SHANK2: variants seen among roughly 807,000 people sequenced by gnomAD.
SHANK2 encodes SH3 and multiple ankyrin repeat domains protein 2.
SHANK2 carries 43 observed loss-of-function variants against 133.7 expected under a neutral mutation model. The observed-to-expected ratio is 0.32, with a 90% CI of 0.25 to 0.41. The LOEUF is 0.41. Among genes scored for constraint, SHANK2 ranks in the 10% least tolerant of loss-of-function variants. The pLI is 1.00. For synonymous variants in SHANK2, 1,017 were observed against 952.8 expected (o/e 1.07, Z -1.24); for missense variants, 1,994 against 2,235.8 (o/e 0.89, Z 2.18).
At chr11:70,734,839 G>A (rs375666891) in intron 14 of SHANK2, among the ~76,000 whole-genome samples, 2 of 152,176 alleles carry the variant, frequency 1.3e-5, no homozygotes, top group Admixed American at 6.5e-5. Context: ...CCTTGGGGAC[G>A]GCCCTCCTGC....
At chr11:71,106,320 G>A (rs1274608231) in intron 6 of SHANK2, among the ~76,000 whole-genome samples, 1 of 152,250 alleles carries the variant, frequency 6.6e-6, no homozygotes, top group Non-Finnish European at 1.5e-5. Flanking sequence ...GAAAATAAGA[G>A]GCTGGGCTCA....
intron 2 of SHANK2, among the ~76,000 whole-genome samples, chr11:71,173,897 G>T (rs1953367100): frequency 6.6e-6 from 1 of 152,330 alleles, no homozygotes; most frequent in South Asian, 2.1e-4. Flanking sequence ...CAAGAGGGGA[G>T]GAAGGACCCT....
chr11:70,478,300 C>G (rs2058689928), intron 25 of SHANK2, among the ~76,000 whole-genome samples: 1 of 152,072 alleles, frequency 6.6e-6, no homozygotes. Context: ...TTAACTGTAG[C>G]TGAACATGGG....
chr11:70,892,353 T>TG lies in SHANK2; in HGVS notation c.1174+4147dup, dbSNP rs1319003427. 5.1e-3 allele frequency among the ~76,000 whole-genome samples: 751 copies of TG among 147,772 alleles called. 7 individuals are homozygous for TG. The highest frequency in any genetic ancestry group is 0.018 in the African/African-American group (691 of 37,546). ...CAGAGAGGAGATACCCCTCTAACTATGGTGGGGGGGACTGCCCTGTTGGTG... is the reference window on the plus strand; with the variant it reads ...CAGAGAGGAGATACCCCTCTAACTATGGGTGGGGGGGACTGCCCTGTTGGTG... On this transcript the variant is annotated intron_variant, in intron 11 of 25. Coordinates refer to ENST00000601538, the MANE Select transcript of SHANK2 (RefSeq NM_012309.5).
intron 3 of SHANK2, among the ~76,000 whole-genome samples, 174 bp from the exon 4 acceptor site, chr11:71,119,206 A>C (rs1952039679): frequency 6.6e-6 from 1 of 152,180 alleles, no homozygotes. Flanking sequence ...TTGCTGGGAC[A>C]CAGACATTCG....
intron 5 of SHANK2, among the ~76,000 whole-genome samples, chr11:71,111,634 C>G (rs1321173173): frequency 2.0e-5 from 3 of 152,208 alleles, no homozygotes; most frequent in African/African-American, 7.2e-5. Context: ...AATGCGGCTT[C>G]TGACACAGCA....
At chr11:70,499,010 G>A (rs1454132449) in intron 21 of SHANK2, among the ~76,000 whole-genome samples, 1 of 152,220 alleles carries the variant, frequency 6.6e-6, no homozygotes, top group Non-Finnish European at 1.5e-5. Flanking sequence ...GTAAAGGCCT[G>A]ACTTTTGTTC....
chr11:70,638,125 T>C (rs1453462812), intron 17 of SHANK2, among the ~76,000 whole-genome samples: 4 of 152,234 alleles, frequency 2.6e-5, no homozygotes, highest in African/African-American at 9.6e-5. Context: ...TGCAAAGAAG[T>C]TGATCCCATA....
intron 6 of SHANK2, among the ~76,000 whole-genome samples, chr11:71,106,882 C>T (rs1009584714): frequency 1.3e-5 from 2 of 152,094 alleles, no homozygotes; most frequent in African/African-American, 2.4e-5. Flanking sequence ...CCCAACACTT[C>T]GGAAGGCCGA....
intron 12 of SHANK2, among the ~76,000 whole-genome samples, chr11:70,819,181 G>A (rs528105405): frequency 1.3e-5 from 2 of 152,258 alleles, no homozygotes; most frequent in African/African-American, 4.8e-5. Context: ...GGGGAAGCAC[G>A]GGTCCAAGGC....
rs368060894 is a variant in SHANK2 at position 71,109,850 on chromosome 11, T to C, written c.592+91A>G. 1,253 of 779,440 alleles carry C rather than the reference T, an allele frequency of 1.6e-3. 26 individuals are homozygous for C. In the South Asian group the frequency reaches 0.018, roughly 11 times the overall value. The allele number at this position is 779,440 out of a possible 1,614,324, so 48.3% of individuals were successfully genotyped here. ...CAAACAAAACCAAGTAAAAGGTAACTGCAGCGTTATTCACAGGTAGCCTGA... is the reference window on the plus strand; with the variant it reads ...CAAACAAAACCAAGTAAAAGGTAACCGCAGCGTTATTCACAGGTAGCCTGA... On this transcript the variant is annotated intron_variant, in intron 6 of 25. Coordinates refer to ENST00000601538, the MANE Select transcript of SHANK2 (RefSeq NM_012309.5).
chr11:71,229,703 T>C (rs971201092), intron 1 of SHANK2, among the ~76,000 whole-genome samples: 1 of 143,826 alleles, frequency 7.0e-6, no homozygotes, highest in Non-Finnish European at 1.5e-5. Context: ...GAGGTTGCAG[T>C]GAGCCAAGAC....
intron 10 of SHANK2, among the ~76,000 whole-genome samples, chr11:70,944,578 T>A (rs11238045): frequency 0.28 from 43,146 of 152,132 alleles, 7,257 homozygotes; most frequent in African/African-American, 0.47. Context: ...AGACCCCAGA[T>A]CCTCTATGCG....
chr11:70,642,358 G>GA (rs1371692744), intron 17 of SHANK2, among the ~76,000 whole-genome samples: 1 of 129,368 alleles, frequency 7.7e-6, no homozygotes, highest in Non-Finnish European at 1.6e-5. Flanking sequence ...GGGTGGGGGG[G>GA]AAATGCCCAG....
At position 70,798,507 on chromosome 11, in the gene SHANK2, G is replaced by A; in HGVS notation, c.1713C>T (p.His571=). The A allele has an allele frequency of 1.4e-6, 1 of 718,616 alleles. No homozygotes were observed. The highest frequency in any genetic ancestry group is 2.6e-6 in the Non-Finnish European group (1 of 385,106). 44.5% of individuals were successfully genotyped at this position (718,616 alleles called of 1,614,324 possible). A position where few individuals can be genotyped will look rare whatever the true frequency, so the allele number is the denominator to read the frequency against. Residue 571 remains histidine, a synonymous_variant, in exon 14 of 26, where the codon CAC becomes CAT. Transcript: ENST00000601538. ...CGCACTCCGCCGGAAACCATCCGAT[G>A]TGGCCGCGGGCGCTGCCTTCCCAGA... ...GGFWEGSARG[H]IGWFPAECVE... is the part of the protein sequence containing the mutation.
intron 17 of SHANK2, among the ~76,000 whole-genome samples, chr11:70,522,441 C>G (rs1315752879): frequency 6.6e-6 from 1 of 152,238 alleles, no homozygotes. Context: ...GGGCGCCCTC[C>G]CAGGGCAGCC....
intron 17 of SHANK2, among the ~76,000 whole-genome samples, chr11:70,555,437 T>C (rs1198699501): frequency 1.3e-5 from 2 of 152,244 alleles, no homozygotes; most frequent in African/African-American, 4.8e-5. Context: ...GGAAAAGATC[T>C]AGAAGGAAAT....
chr11:71,216,796 C>T (rs1239425889), intron 2 of SHANK2, among the ~76,000 whole-genome samples: 1 of 152,172 alleles, frequency 6.6e-6, no homozygotes, highest in Non-Finnish European at 1.5e-5. Flanking sequence ...TAATTAAAGT[C>T]TAGCACATAC....
intron 15 of SHANK2, among the ~76,000 whole-genome samples, chr11:70,677,406 C>T (rs1162076266): frequency 6.6e-6 from 1 of 152,210 alleles, no homozygotes; most frequent in African/African-American, 2.4e-5. Flanking sequence ...GTTCCTAGAA[C>T]CCGGGCCACC....
Sources: allele counts gnomAD v4.1 joint callset (sites outside exome capture counted in the v4.1 genomes callset), GRCh38; gene constraint gnomAD v4.1.1; transcripts MANE v1.5; gene names NCBI Gene and HGNC (gene_info 2026-07-23, HGNC 2026-07-21).